TNFRSF10B: variants seen among roughly 807,000 people sequenced by gnomAD.
TNFRSF10B encodes TNF receptor superfamily member 10b, also known as tumor necrosis factor receptor superfamily member 10B.
Under a neutral mutation model 41.4 loss-of-function variants are expected in TNFRSF10B, and 35 were observed. The ratio of observed to expected loss-of-function variants is 0.85; its 90% CI spans 0.65 to 1.12. The LOEUF is 1.12. TNFRSF10B is among the 50% of genes most tolerant of loss of function. The pLI is 0.00. For missense variants in TNFRSF10B, 584 were observed against 552.7 expected, an observed-to-expected ratio of 1.06 and a Z score of -0.57; for synonymous variants, 230 against 215.5, an observed-to-expected ratio of 1.07 and a Z score of -0.59.
Position 23,043,169 on chromosome 8 carries a change from C to A in TNFRSF10B, c.219G>T (p.Arg73Ser). 3.7e-6 allele frequency: 6 copies of A among 1,614,102 alleles called. No homozygotes were observed. The highest frequency in any genetic ancestry group is 4.2e-6 in the Non-Finnish European group (5 of 1,180,020). ...GACACAATCCCTCTGAGGGGCTGGA[C>A]CTCTTTTGTTGTGGGGCCGCTCTCT... ...PQQRAAPQQK[R>S]SSPSEGLCPP... Residue 73 changes from arginine (R) to serine (S), a missense_variant, in exon 2 of 9, where the codon AGG (arginine) becomes AGT (serine). Coordinates refer to ENST00000276431, the MANE Select transcript of TNFRSF10B (RefSeq NM_003842.5).
chr8:23,028,376 A>T lies in TNFRSF10B; in HGVS notation c.703T>A (p.Leu235Ile). The T allele has an allele frequency of 1.2e-6, 2 of 1,614,156 alleles. No individual in the cohort carries two copies. Among genetic ancestry groups the T allele is most frequent in the Non-Finnish European group, 1.7e-6 (2 of 1,180,002 alleles). ...LIVAVFVCKS[L>I]LWKKVLPYLK... The stretch of plus-strand genomic sequence containing the variant: ...TAAGGAAGGACTTTCTTCCACAGTA[A>T]AGACTTGCAAACAAACACAGCCACA... The change falls in exon 5 of 9, where the codon TTA (leucine) becomes ATA (isoleucine). Residue 235 changes from leucine (L) to isoleucine (I), a missense_variant. By Grantham distance (5) the Leu-to-Ile change is conservative (BLOSUM62 2). Transcript: ENST00000276431.
At chr8:23,034,640 T>C (rs1298233817) in intron 2 of TNFRSF10B, among the ~76,000 whole-genome samples, 1 of 152,170 alleles carries the variant, frequency 6.6e-6, no homozygotes, top group African/African-American at 2.4e-5. Flanking sequence ...GGCAGGAGGA[T>C]TGCCTGAGCC....
chr8:23,049,188 G>T (rs1433800307), intron 1 of TNFRSF10B, among the ~76,000 whole-genome samples: 3 of 152,208 alleles, frequency 2.0e-5, no homozygotes, highest in East Asian at 3.8e-4. Flanking sequence ...CATCACAACT[G>T]TGTCAGTACT....
intron 5 of TNFRSF10B, chr8:23,028,053 C>A (rs1026156728): frequency 3.3e-6 from 2 of 601,668 alleles, no homozygotes; most frequent in African/African-American, 3.7e-5. Flanking sequence ...CCGACTGCCC[C>A]CTGCCTGGCT....
At chr8:23,031,913 T>TA (rs58469567) in intron 2 of TNFRSF10B, among the ~76,000 whole-genome samples, 63,044 of 133,414 alleles carry the variant, frequency 0.47, 15,045 homozygotes, top group Non-Finnish European at 0.55. Flanking sequence ...TGCAGTAGCA[T>TA]TTTTTTTTTT....
intron 2 of TNFRSF10B, among the ~76,000 whole-genome samples, chr8:23,034,786 A>G (rs1451464950): frequency 2.0e-5 from 3 of 152,216 alleles, no homozygotes; most frequent in Admixed American, 2.0e-4. Context: ...GATCATTACC[A>G]CCATCCAGGA....
At chr8:23,031,744 G>C (rs1428922018) in intron 2 of TNFRSF10B, among the ~76,000 whole-genome samples, 2 of 151,764 alleles carry the variant, frequency 1.3e-5, no homozygotes, top group Admixed American at 6.6e-5. Context: ...AGGTGAGAAG[G>C]GGTGAAATTA....
At chr8:23,044,378 G>C (rs1197745576) in intron 1 of TNFRSF10B, among the ~76,000 whole-genome samples, 1 of 152,040 alleles carries the variant, frequency 6.6e-6, no homozygotes, top group African/African-American at 2.4e-5. Flanking sequence ...ACAGTGAAGG[G>C]GCAACCCACA....
At chr8:23,032,776 A>G (rs1811918305) in intron 2 of TNFRSF10B, among the ~76,000 whole-genome samples, 1 of 152,260 alleles carries the variant, frequency 6.6e-6, no homozygotes. Context: ...ATTGACAATG[A>G]CATAAAAATG....
chr8:23,066,855 C>G (rs190314428), intron 1 of TNFRSF10B, among the ~76,000 whole-genome samples: 3 of 152,080 alleles, frequency 2.0e-5, no homozygotes, highest in Admixed American at 1.3e-4. Context: ...TGAGATCCCA[C>G]CACTGCACTC....
Position 23,029,607 on chromosome 8 carries a change from C to T in TNFRSF10B, c.476+3G>A, listed in dbSNP as rs760313974. 3 of 1,607,962 alleles carry T rather than the reference C, an allele frequency of 1.9e-6. No individual in the cohort carries two copies. The highest frequency in any genetic ancestry group is 1.7e-5 in the Admixed American group (1 of 59,216). The stretch of plus-strand genomic sequence containing the variant: ...TACTGGGAGCCCCCGGCTCCTGTCT[C>T]ACCCTGTGCGGCACTTCCGGCACAT... On this transcript the variant is annotated splice_donor_region_variant and intron_variant, in intron 4 of 8. Coordinates refer to ENST00000276431, the MANE Select transcript of TNFRSF10B (RefSeq NM_003842.5).
chr8:23,055,241 G>A (rs1812630384), intron 1 of TNFRSF10B, among the ~76,000 whole-genome samples: 1 of 151,870 alleles, frequency 6.6e-6, no homozygotes, highest in Non-Finnish European at 1.5e-5. Context: ...CTCTCTCTAA[G>A]CCCCTAAAAT....
intron 1 of TNFRSF10B, 85 bp downstream of exon 1, chr8:23,068,666 A>AC (rs1175147180): frequency 1.3e-6 from 2 of 1,494,546 alleles, no homozygotes; most frequent in Non-Finnish European, 1.8e-6. Flanking sequence ...CGGGCCACGC[A>AC]CCCCCGCCGT....
Position 23,022,674 on chromosome 8 carries a change from G to T in TNFRSF10B, c.1320C>A (p.Ser440=), listed in dbSNP as rs141831388. 1.3e-4 allele frequency: 214 copies of T among 1,613,906 alleles called. No homozygotes were observed. The highest frequency in any genetic ancestry group is 1.7e-4 in the Admixed American group (10 of 59,988). The change falls in exon 9 of 9, where the codon TCC becomes TCA. Residue 440 remains serine, a synonymous_variant. Transcript: ENST00000276431. ...YLEGNADSAM[S] ...GACTTCCTGAAGAGAATCACACTTA[G>T]GACATGGCAGAGTCTGCATTACCTT...
At chr8:23,043,977 T>TGTTG in intron 1 of TNFRSF10B, among the ~76,000 whole-genome samples, 1 of 152,330 alleles carries the variant, frequency 6.6e-6, no homozygotes, top group South Asian at 2.1e-4. Flanking sequence ...CACCATCACA[T>TGTTG]ATGCAGTCTG....
intron 1 of TNFRSF10B, among the ~76,000 whole-genome samples, chr8:23,055,559 G>A (rs1396087982): frequency 7.0e-6 from 1 of 142,724 alleles, no homozygotes; most frequent in Non-Finnish European, 1.5e-5. Flanking sequence ...CTTATACAAA[G>A]GCTGGAATGT....
intron 6 of TNFRSF10B, 138 bp from the exon 7 acceptor site, chr8:23,027,426 GCAC>G: frequency 1.8e-6 from 2 of 1,089,888 alleles, no homozygotes; most frequent in South Asian, 2.7e-5. Flanking sequence ...CCCAGACTCA[GCAC>G]ATCCAGGACC....
intron 1 of TNFRSF10B, 24 bp from the exon 2 acceptor site, chr8:23,043,267 G>C: frequency 6.2e-7 from 1 of 1,602,064 alleles, no homozygotes; most frequent in Non-Finnish European, 8.5e-7. Context: ...GCAGGGATGG[G>C]CATGAGTGGC....
At chr8:23,039,896 A>G (rs955862358) in intron 2 of TNFRSF10B, among the ~76,000 whole-genome samples, 1 of 152,182 alleles carries the variant, frequency 6.6e-6, no homozygotes, top group Non-Finnish European at 1.5e-5. Flanking sequence ...GGAAACCAGT[A>G]AGAAAATAAG....
Sources: gnomAD v4.1 joint callset for allele counts (sites outside exome capture counted in the v4.1 genomes callset) on GRCh38, gnomAD v4.1.1 for gene constraint, MANE v1.5 for transcripts, NCBI Gene and HGNC (gene_info 2026-07-23, HGNC 2026-07-21) for gene names.